RXFP1: variants seen among roughly 807,000 people sequenced by gnomAD.
The protein encoded by RXFP1 is relaxin family peptide receptor 1.
A neutral mutation model predicts 89.8 loss-of-function variants in RXFP1; 73 were observed. The observed-to-expected ratio is 0.81, with a 90% CI of 0.67 to 0.99. The LOEUF is 0.99. RXFP1 is among the 50% of genes least tolerant of loss of function. The pLI is 0.00. For missense variants in RXFP1, 793 were observed against 895.5 expected (o/e 0.89, Z 1.46); for synonymous variants, 277 against 305.5 (o/e 0.91, Z 0.97).
intron 1 of RXFP1, among the ~76,000 whole-genome samples, chr4:158,561,464 G>T (rs1752408412): frequency 6.6e-6 from 1 of 151,950 alleles, no homozygotes; most frequent in Non-Finnish European, 1.5e-5. Flanking sequence ...AAGTATATAT[G>T]AAACAAATAA....
chr4:158,572,233 G>A (rs1561039025), intron 1 of RXFP1, among the ~76,000 whole-genome samples: 3 of 152,174 alleles, frequency 2.0e-5, no homozygotes, highest in Non-Finnish European at 4.4e-5. Context: ...TACTCCACGT[G>A]TGTGCCCGTG....
rs749933809 is a variant in RXFP1 at position 158,593,388 on chromosome 4, A to G, written c.188-13A>G. ...GTTCCTTGAACTTTTTTGTTCTCTG[A>G]TTTTTATTTTAGGAGACAACAATGG... On this transcript the variant is annotated splice_polypyrimidine_tract_variant and intron_variant, in intron 2 of 17. Coordinates refer to ENST00000307765, the MANE Select transcript of RXFP1 (RefSeq NM_021634.4). 12 of 1,577,624 alleles carry G rather than the reference A, an allele frequency of 7.6e-6. No individual in the cohort carries two copies. The highest frequency in any genetic ancestry group is 3.4e-5 in the South Asian group (3 of 88,850).
intron 3 of RXFP1, among the ~76,000 whole-genome samples, chr4:158,594,039 T>G (rs1014896422): frequency 5.3e-5 from 8 of 152,236 alleles, no homozygotes; most frequent in African/African-American, 1.9e-4. Flanking sequence ...CAGAAAGATA[T>G]ATGAAAATAA....
intron 1 of RXFP1, among the ~76,000 whole-genome samples, chr4:158,541,726 C>T (rs944486697): frequency 1.5e-4 from 23 of 151,932 alleles, no homozygotes; most frequent in African/African-American, 4.8e-4. Context: ...GACTCACTGA[C>T]GACATTATGA....
rs139090016 is a variant in RXFP1, at chr4:158,606,800, G to C, written c.465-1172G>C. Among the ~76,000 whole-genome samples the C allele has an allele frequency of 8.7e-3, 1,316 of 150,798 alleles. 17 individuals are homozygous for C. The highest frequency in any genetic ancestry group is 0.029 in the African/African-American group (1,208 of 40,998). ...AGGATCTCACTATGTTGCCCTGCCT[G>C]GCTGGTCTGTTTCAAATGATCCTCC... On this transcript the variant is annotated intron_variant, in intron 5 of 17. Transcript: ENST00000307765.
At chr4:158,528,533 G>C (rs1454078629) in intron 1 of RXFP1, among the ~76,000 whole-genome samples, 2 of 151,936 alleles carry the variant, frequency 1.3e-5, no homozygotes, top group African/African-American at 4.8e-5. Flanking sequence ...CTCAGAGTAA[G>C]TCAACACCAA....
Position 158,645,094 on chromosome 4 carries a change from G to A in RXFP1, c.1301G>A (p.Arg434Lys). 6.2e-7 allele frequency: 1 copy of A among 1,614,090 alleles called. No homozygotes were observed. Among genetic ancestry groups the A allele is most frequent in the Non-Finnish European group, 8.5e-7 (1 of 1,179,982 alleles). The change falls in exon 15 of 18, where the codon AGG becomes AAG. Residue 434 changes from arginine to lysine, a missense_variant. By Grantham distance (26) the Arg-to-Lys change is conservative. Transcript: ENST00000307765. ...GTCATTTGCATGCGACCTTATATCA[G>A]GTCTGAGAACAAGCTGTATGCCATG... is the stretch of plus-strand genomic sequence containing the variant. ...IFVICMRPYI[R>K]SENKLYAMSI...
At chr4:158,563,496 GCACACA>G (rs145181248) in intron 1 of RXFP1, among the ~76,000 whole-genome samples, 90,894 of 142,312 alleles carry the variant, frequency 0.64, 31,397 homozygotes, top group East Asian at 0.85. Context: ...AGAATTCAAT[GCACACA>G]CACACACACA....
intron 2 of RXFP1, among the ~76,000 whole-genome samples, chr4:158,579,790 A>T (rs919935834): frequency 6.6e-6 from 1 of 152,224 alleles, no homozygotes; most frequent in Non-Finnish European, 1.5e-5. Flanking sequence ...GCATAATTGT[A>T]TGTGGTATAA....
intron 2 of RXFP1, among the ~76,000 whole-genome samples, chr4:158,587,139 A>G (rs907993129): frequency 6.6e-6 from 1 of 152,198 alleles, no homozygotes; most frequent in African/African-American, 2.4e-5. Flanking sequence ...TAACAGGAAC[A>G]TGAACGTGGT....
At chr4:158,553,386 C>T (rs569988725) in intron 1 of RXFP1, among the ~76,000 whole-genome samples, 1 of 152,200 alleles carries the variant, frequency 6.6e-6, no homozygotes, top group South Asian at 2.1e-4. Flanking sequence ...AAGAGGTAAA[C>T]ATTGATGATG....
intron 5 of RXFP1, chr4:158,607,138 A>G (rs1762675504): frequency 1.3e-6 from 2 of 1,534,758 alleles, no homozygotes; most frequent in African/African-American, 2.7e-5. Flanking sequence ...TGGGGCAAGT[A>G]CACATAGAAG....
chr4:158,630,627 A>G (rs1432682891), intron 11 of RXFP1, among the ~76,000 whole-genome samples: 1 of 152,202 alleles, frequency 6.6e-6, no homozygotes, highest in Non-Finnish European at 1.5e-5. Flanking sequence ...TTCAGAAGTA[A>G]AGGAAAGAAT....
At position 158,651,819 on chromosome 4, in the gene RXFP1, C is replaced by T; in HGVS notation, c.2038C>T (p.Leu680Phe). The change falls in exon 18 of 18, where the codon CTC becomes TTC. Residue 680 changes from leucine to phenylalanine, a missense_variant. Coordinates refer to ENST00000307765, the MANE Select transcript of RXFP1 (RefSeq NM_021634.4). Reference sequence around the variant, plus strand: ...CATTAACAGTGCTTTGAACCCAATTCTCTATACTCTGACCACAAGACCATT... The same window carrying T: ...CATTAACAGTGCTTTGAACCCAATTTTCTATACTCTGACCACAAGACCATT... ...LPINSALNPI[L>F]YTLTTRPFKE... 3 of 1,614,050 alleles carry T rather than the reference C, an allele frequency of 1.9e-6. No homozygotes were observed. Among genetic ancestry groups the T allele is most frequent in the Non-Finnish European group, 2.5e-6 (3 of 1,179,964 alleles).
intron 2 of RXFP1, among the ~76,000 whole-genome samples, chr4:158,586,976 G>A (rs141383444): frequency 5.5e-4 from 84 of 152,086 alleles, no homozygotes; most frequent in Admixed American, 1.8e-3. Context: ...GAAGCCGAGT[G>A]AAAGAAAATC....
At chr4:158,527,492 A>G (rs1164569919) in intron 1 of RXFP1, among the ~76,000 whole-genome samples, 1 of 149,294 alleles carries the variant, frequency 6.7e-6, no homozygotes, top group Non-Finnish European at 1.5e-5. Flanking sequence ...GCAATCAGCC[A>G]AGATCATGCC....
intron 14 of RXFP1, 126 bp downstream of exon 14, chr4:158,639,457 C>G: frequency 1.6e-6 from 1 of 630,786 alleles, no homozygotes; most frequent in South Asian, 1.9e-5. Context: ...AGTTTGTGTT[C>G]CTCCAAAATG....
At chr4:158,522,620 G>A (rs1560933526) in intron 1 of RXFP1, among the ~76,000 whole-genome samples, 1 of 152,168 alleles carries the variant, frequency 6.6e-6, no homozygotes, top group African/African-American at 2.4e-5. Flanking sequence ...TGTTTTCTCT[G>A]TGTGTGCTAT....
intron 1 of RXFP1, among the ~76,000 whole-genome samples, chr4:158,555,536 G>A (rs778432192): frequency 3.9e-5 from 6 of 152,136 alleles, no homozygotes; most frequent in Admixed American, 2.6e-4. Context: ...TGCAATAGCC[G>A]CACACAGGTT....
Sources: allele counts gnomAD v4.1 joint callset (sites outside exome capture counted in the v4.1 genomes callset), GRCh38; gene constraint gnomAD v4.1.1; transcripts MANE v1.5; gene names NCBI Gene and HGNC (gene_info 2026-07-23, HGNC 2026-07-21).